The following GOLGB1 variants were observed in gnomAD, a reference collection of about 807,000 sequenced individuals.
GOLGB1 encodes golgin subfamily B member 1.
GOLGB1 carries 174 observed loss-of-function variants against 336.9 expected under a neutral mutation model. The observed-to-expected ratio is 0.52, with a 90% CI of 0.46 to 0.59. The LOEUF (loss-of-function observed/expected upper bound fraction) is 0.59. GOLGB1 is among the 20% of genes least tolerant of loss of function. GOLGB1 has a pLI of 0.00. For missense variants in GOLGB1, 3,331 were observed against 3,645.3 expected, an observed-to-expected ratio of 0.91 and a Z score of 2.22; for synonymous variants, 1,208 against 1,289.2, an observed-to-expected ratio of 0.94 and a Z score of 1.35.
At chr3:121,740,059 G>A (rs1354296242) in intron 1 of GOLGB1, among the ~76,000 whole-genome samples, 3 of 152,194 alleles carry the variant, frequency 2.0e-5, no homozygotes, top group African/African-American at 7.2e-5. Context: ...TGGTTAGAGA[G>A]GGGTTGGGGT....
At position 121,697,609 on chromosome 3, in the gene GOLGB1, T is replaced by G. The variant is rs768677951; in HGVS notation, c.2914A>C (p.Ser972Arg). ...TCCTTACTTATTTGTCCTGCTGGGC[T>G]CATCTCATCATAATTTTGTTTAAGG... The part of the protein sequence containing the change: ...SGLKQNYDEM[S>R]PAGQISKEEL... The change falls in exon 13 of 22, where the codon AGC (serine) becomes CGC (arginine). Residue 972 changes from serine to arginine, a missense_variant. Physicochemically the swap from Ser to Arg is moderately radical, Grantham distance 110. Transcript: ENST00000614479. 6.2e-7 allele frequency: 1 copy of G among 1,613,022 alleles called. No homozygotes were observed. The highest frequency in any genetic ancestry group is 8.5e-7 in the Non-Finnish European group (1 of 1,179,872).
intron 15 of GOLGB1, among the ~76,000 whole-genome samples, chr3:121,679,325 T>G (rs1202866227): frequency 2.0e-5 from 3 of 152,146 alleles, no homozygotes; most frequent in Non-Finnish European, 4.4e-5. Flanking sequence ...CCTGCATAGA[T>G]AAAACTCTTG....
At chr3:121,732,828 T>C (rs1246916326) in intron 1 of GOLGB1, among the ~76,000 whole-genome samples, 1 of 152,166 alleles carries the variant, frequency 6.6e-6, no homozygotes, top group Admixed American at 6.5e-5. Context: ...GGCAAAGATG[T>C]CTCTTACTAC....
chr3:121,704,673 G>A, intron 10 of GOLGB1, among the ~76,000 whole-genome samples: 1 of 151,752 alleles, frequency 6.6e-6, no homozygotes, highest in African/African-American at 2.4e-5. Flanking sequence ...CTACTCAGGA[G>A]GCTGAGGCAG....
chr3:121,689,459 C>CATT (rs1942203730), intron 14 of GOLGB1, among the ~76,000 whole-genome samples: 1 of 150,814 alleles, frequency 6.6e-6, no homozygotes, highest in South Asian at 2.1e-4. Context: ...GCAGCATGCT[C>CATT]GTTAAGAGTC....
intron 10 of GOLGB1, among the ~76,000 whole-genome samples, chr3:121,709,918 A>G (rs1318442636): frequency 9.9e-5 from 15 of 152,112 alleles, no homozygotes; most frequent in Admixed American, 9.8e-4. Flanking sequence ...AGATAGACTG[A>G]TGAAGAAAAT....
At chr3:121,667,440 C>A in intron 20 of GOLGB1, 36 bp downstream of exon 20, 2 of 1,596,710 alleles carry the variant, frequency 1.3e-6, no homozygotes, top group Non-Finnish European at 1.7e-6. Context: ...CAGAAAGGAT[C>A]GGAAGGGAAC....
intron 17 of GOLGB1, among the ~76,000 whole-genome samples, chr3:121,670,471 T>C (rs1022447435): frequency 6.6e-6 from 1 of 152,218 alleles, no homozygotes; most frequent in Non-Finnish European, 1.5e-5. Flanking sequence ...TACATACTTG[T>C]AAAAGTGCTC....
intron 5 of GOLGB1, among the ~76,000 whole-genome samples, chr3:121,722,629 A>G (rs1336520795): frequency 6.6e-6 from 1 of 152,196 alleles, no homozygotes; most frequent in Non-Finnish European, 1.5e-5. Flanking sequence ...GTAAAACCAA[A>G]AAAACCACAG....
In GOLGB1 at chr3:121,699,045, C is replaced by T. The variant is rs1576360335; in HGVS notation, c.1594-116G>A. ...AAACTTCAGACTTTTTGGTCAAAAC[C>T]TTCTTTGTACCATAACACTGCTAAA... On this transcript the variant is annotated intron_variant, in intron 12 of 21. Coordinates refer to ENST00000614479, the MANE Select transcript of GOLGB1 (RefSeq NM_001366282.2). 3.2e-5 allele frequency: 23 copies of T among 728,418 alleles called. No individual in the cohort carries two copies. In the East Asian group the frequency reaches 6.0e-4, roughly 19 times the overall value. 45.1% of individuals were successfully genotyped at this position (728,418 alleles called of 1,614,324 possible).
intron 5 of GOLGB1, among the ~76,000 whole-genome samples, chr3:121,726,412 C>A (rs1576442171): frequency 8.2e-6 from 1 of 122,532 alleles, no homozygotes; most frequent in Non-Finnish European, 1.6e-5. Context: ...CCAGCCTGGC[C>A]AACAGAGTGA....
In GOLGB1 at chr3:121,694,403, A is replaced by C. The variant is rs1177387199; in HGVS notation, c.6120T>G (p.Ile2040Met). The C allele has an allele frequency of 1.2e-6, 2 of 1,612,786 alleles. No individual in the cohort carries two copies. The highest frequency in any genetic ancestry group is 1.3e-5 in the African/African-American group (1 of 74,998). ...QKDCIRYQEK[I>M]SALERTVKAL... is the part of the protein sequence containing the mutation. ...CTTTAACAGTTCTCTCCAGAGCACT[A>C]ATTTTCTCTTGATACCTGATGCAGT... The change falls in exon 13 of 22, where the codon ATT becomes ATG. Residue 2040 changes from isoleucine to methionine, a missense_variant. By Grantham distance (10) the Ile-to-Met change is conservative. Coordinates refer to ENST00000614479, the MANE Select transcript of GOLGB1 (RefSeq NM_001366282.2).
chr3:121,747,361 ATATATACGTATATGTC>A (rs1266656322), intron 1 of GOLGB1, among the ~76,000 whole-genome samples: 1 of 145,002 alleles, frequency 6.9e-6, no homozygotes, highest in African/African-American at 2.5e-5. Context: ...GTATATACGT[ATATATACGTATATGTC>A]TATATACGTA....
At chr3:121,674,662 C>T (rs973865650) in intron 17 of GOLGB1, among the ~76,000 whole-genome samples, 14 of 152,030 alleles carry the variant, frequency 9.2e-5, no homozygotes, top group Non-Finnish European at 2.9e-5. Context: ...CATTCTGGGG[C>T]CCAAGAAGCA....
intron 4 of GOLGB1, among the ~76,000 whole-genome samples, chr3:121,727,364 T>G (rs1315615023): frequency 8.3e-6 from 1 of 120,162 alleles, no homozygotes; most frequent in African/African-American, 3.2e-5. Context: ...ACACCAAGCA[T>G]GTGAACCCAA....
chr3:121,672,163 G>C (rs1939634228), intron 17 of GOLGB1, among the ~76,000 whole-genome samples: 1 of 152,152 alleles, frequency 6.6e-6, no homozygotes. Flanking sequence ...TGGGTTGCTG[G>C]ATCATATGGT....
At chr3:121,674,438 C>T (rs1354871763) in intron 17 of GOLGB1, among the ~76,000 whole-genome samples, 3 of 152,294 alleles carry the variant, frequency 2.0e-5, no homozygotes, top group East Asian at 1.9e-4. Context: ...ATACCTAATA[C>T]AATACAAATG....
chr3:121,698,674 T>C lies in GOLGB1; in HGVS notation c.1849A>G (p.Lys617Glu). 6.2e-7 allele frequency: 1 copy of C among 1,613,988 alleles called. No homozygotes were observed. The highest frequency in any genetic ancestry group is 8.5e-7 in the Non-Finnish European group (1 of 1,179,904). The change falls in exon 13 of 22, where the codon AAA becomes GAA. Residue 617 changes from lysine (K) to glutamate (E), a missense_variant. Coordinates refer to ENST00000614479, the MANE Select transcript of GOLGB1 (RefSeq NM_001366282.2). The part of the protein sequence containing the change: ...EGEGIAPIKM[K>E]VFLEDTGQDF... Reference sequence around the variant, plus strand: ...TGCCCTGTATCTTCAAGAAATACTTTCATTTTAATTGGAGCTATTCCCTCA... The same window carrying C: ...TGCCCTGTATCTTCAAGAAATACTTCCATTTTAATTGGAGCTATTCCCTCA...
At position 121,664,556 on chromosome 3, in the gene GOLGB1, CG is replaced by C; in HGVS notation, c.9718del (p.Arg3240GlufsTer5). On this transcript the variant is annotated frameshift_variant, in exon 22 of 22. Coordinates refer to ENST00000614479, the MANE Select transcript of GOLGB1 (RefSeq NM_001366282.2). LOFTEE classifies it high-confidence loss of function. ...VLRSLCHSRT[R>X]VPLLAAIYFL... ...GTAGATGGCTGCTAGAAGTGGCACT[CG>C]GGTCCGTGAATGACAGAGTGAACGC... is the stretch of plus-strand genomic sequence containing the variant. 6.2e-7 allele frequency: 1 copy of C among 1,613,512 alleles called. No homozygotes were observed. Among genetic ancestry groups the C allele is most frequent in the Non-Finnish European group, 8.5e-7 (1 of 1,179,440 alleles).
Sources: allele counts gnomAD v4.1 joint callset (sites outside exome capture counted in the v4.1 genomes callset), GRCh38; gene constraint gnomAD v4.1.1; transcripts MANE v1.5; gene names NCBI Gene and HGNC (gene_info 2026-07-23, HGNC 2026-07-21).